Variants in KLF8 observed in about 807,000 individuals in gnomAD.
KLF8 encodes the protein Krueppel-like factor 8.
In KLF8, 10 loss-of-function variants were observed where a neutral mutation model predicts 18.2. The observed-to-expected ratio is 0.55, with a 90% confidence interval of 0.34 to 0.93. The LOEUF is 0.93. Among genes scored for constraint, KLF8 ranks in the 40% least tolerant of loss-of-function variants. The pLI is 0.02. For synonymous variants in KLF8, 109 were observed against 97.3 expected (o/e 1.12, Z -0.71); for missense variants, 264 against 277.9 (o/e 0.95, Z 0.36).
At chrX:56,009,853 G>T in the KLF8 span, among the ~76,000 whole-genome samples, 2 of 112,138 alleles carry the variant, frequency 1.8e-5, no homozygotes, top group African/African-American at 3.2e-5. Flanking sequence ...CCAGAGGAAA[G>T]AATTTCAGAT....
At chrX:56,187,723 G>A in the KLF8 span, among the ~76,000 whole-genome samples, 1 of 110,652 alleles carries the variant, frequency 9.0e-6, no homozygotes, top group Non-Finnish European at 1.9e-5. Context: ...TTCAATATAT[G>A]CAAATCAATA....
At chrX:56,069,170 C>T in the KLF8 span, among the ~76,000 whole-genome samples, 3 of 112,202 alleles carry the variant, frequency 2.7e-5, no homozygotes, top group African/African-American at 9.7e-5. Context: ...CCTATTAGAA[C>T]TTCTGGCTCA....
At chrX:56,087,776 G>A in the KLF8 span, among the ~76,000 whole-genome samples, 1 of 111,808 alleles carries the variant, frequency 8.9e-6, no homozygotes, top group Non-Finnish European at 1.9e-5. Flanking sequence ...ATGAAAAATA[G>A]CATTATTTAT....
chrX:56,188,935 A>T, the KLF8 span, among the ~76,000 whole-genome samples: 1 of 111,955 alleles, frequency 8.9e-6, no homozygotes, highest in Non-Finnish European at 1.9e-5. Flanking sequence ...AAACCTAGGC[A>T]ATACCATTCA....
chrX:56,009,382 A>G, the KLF8 span, among the ~76,000 whole-genome samples: 1 of 111,689 alleles, frequency 9.0e-6, no homozygotes, highest in African/African-American at 3.3e-5. Context: ...TTAAAAGAAA[A>G]ACAAAGAAAC....
chrX:56,059,327 C>T, the KLF8 span, among the ~76,000 whole-genome samples: 1 of 111,744 alleles, frequency 8.9e-6, no homozygotes, highest in Non-Finnish European at 1.9e-5. Flanking sequence ...ATGATAGTTT[C>T]CTTTGCTGTG....
the KLF8 span, among the ~76,000 whole-genome samples, chrX:56,205,691 C>T: frequency 8.9e-6 from 1 of 111,855 alleles, no homozygotes; most frequent in East Asian, 2.8e-4. Context: ...AAAGTATTCC[C>T]TTTTCACCTA....
At chrX:56,189,723 A>T in the KLF8 span, among the ~76,000 whole-genome samples, 1 of 109,417 alleles carries the variant, frequency 9.1e-6, no homozygotes, top group East Asian at 2.9e-4. Context: ...CTTTGTAGGG[A>T]CATGGATGAA....
At chrX:56,041,001 T>C in the KLF8 span, among the ~76,000 whole-genome samples, 1 of 103,386 alleles carries the variant, frequency 9.7e-6, no homozygotes, top group South Asian at 4.7e-4. Context: ...AGGGTGCATG[T>C]GTCCAGGAAT....
chrX:56,288,294 T>G lies in KLF8; in HGVS notation c.*3800T>G, dbSNP rs1370279559. 9.0e-6 allele frequency among the ~76,000 whole-genome samples: 1 copy of G among 111,233 alleles called. No homozygotes were observed. The highest frequency in any genetic ancestry group is 3.3e-5 in the African/African-American group (1 of 30,581). Reference sequence around the variant, plus strand: ...GTTCAGGATTCCACATTACATCTAATAGTCATATCTCCTTAGGATCCTTTT... The same window carrying G: ...GTTCAGGATTCCACATTACATCTAAGAGTCATATCTCCTTAGGATCCTTTT... On this transcript the variant is annotated 3_prime_UTR_variant, in exon 6 of 6. Coordinates refer to ENST00000468660, the MANE Select transcript of KLF8 (RefSeq NM_007250.5).
chrX:56,264,784 C>T (rs1479442439), intron 2 of KLF8, among the ~76,000 whole-genome samples: 1 of 111,388 alleles, frequency 9.0e-6, no homozygotes, highest in Non-Finnish European at 1.9e-5. Flanking sequence ...ATGCCTGTTA[C>T]ATTATTTATT....
the KLF8 span, among the ~76,000 whole-genome samples, chrX:56,218,414 G>A: frequency 1.8e-5 from 2 of 111,276 alleles, no homozygotes; most frequent in African/African-American, 6.5e-5. Context: ...TTCTGTGATA[G>A]GAACTCCTAA....
the KLF8 span, among the ~76,000 whole-genome samples, chrX:56,061,986 C>CTTTTTTTTTTTTTTTTTTTTT: frequency 8.8e-4 from 50 of 57,113 alleles, 2 homozygotes; most frequent in African/African-American, 3.1e-3. Context: ...GCAACCCCTG[C>CTTTTTTTTTTTTTTTTTTTTT]TTTTTTTTTT....
the KLF8 span, among the ~76,000 whole-genome samples, chrX:55,952,407 G>A: frequency 8.9e-6 from 1 of 112,220 alleles, no homozygotes. Context: ...AGGTCAGAAC[G>A]CCTAAAATCA....
chrX:55,949,789 CA>C, the KLF8 span, among the ~76,000 whole-genome samples: 41 of 93,779 alleles, frequency 4.4e-4, 2 homozygotes, highest in South Asian at 7.3e-3. Flanking sequence ...GACTCCGTTT[CA>C]AAAAAAAAAA....
chrX:56,121,647 ATGGCCCATGT>A, the KLF8 span, among the ~76,000 whole-genome samples: 1 of 112,371 alleles, frequency 8.9e-6, no homozygotes, highest in Non-Finnish European at 1.9e-5. Context: ...GAAAAGCCAC[ATGGCCCATGT>A]TGGCTGAACT....
chrX:56,219,979 A>C, the KLF8 span, among the ~76,000 whole-genome samples: 1 of 112,475 alleles, frequency 8.9e-6, no homozygotes, highest in African/African-American at 3.2e-5. Flanking sequence ...TCAGGGTAAA[A>C]TAGGAATCTC....
chrX:56,103,925 C>T, the KLF8 span, among the ~76,000 whole-genome samples: 57,620 of 109,355 alleles, frequency 0.53, 13,637 homozygotes, highest in Non-Finnish European at 0.73. Context: ...GCATGAAGGG[C>T]TGTTGAATTT....
chrX:56,191,146 A>G, the KLF8 span, among the ~76,000 whole-genome samples: 7 of 111,903 alleles, frequency 6.3e-5, no homozygotes, highest in African/African-American at 2.3e-4. Flanking sequence ...GATACTACAG[A>G]AATTCAAAGG....
Sources: gnomAD v4.1 joint callset for allele counts (sites outside exome capture counted in the v4.1 genomes callset) on GRCh38, gnomAD v4.1.1 for gene constraint, MANE v1.5 for transcripts, NCBI Gene and HGNC (gene_info 2026-07-23, HGNC 2026-07-21) for gene names.